Variants in ENTPD1 observed in about 807,000 individuals in gnomAD.
The protein encoded by ENTPD1 is ATP diphosphohydrolase.
ENTPD1 carries 33 observed loss-of-function variants against 57.0 expected under a neutral mutation model. The ratio of observed to expected loss-of-function variants is 0.58; its 90% CI spans 0.44 to 0.77. ENTPD1 has a LOEUF of 0.77. Ranked by LOEUF, ENTPD1 falls within the 30% of genes least tolerant of loss-of-function variation. The probability of loss-of-function intolerance (pLI) is 0.00; values close to 1 mark genes in which losing one functional copy is unlikely to be tolerated. For synonymous variants in ENTPD1, 202 were observed against 218.8 expected (o/e 0.92, Z 0.68); for missense variants, 501 against 603.4 (o/e 0.83, Z 1.78).
the ENTPD1 span, among the ~76,000 whole-genome samples, chr10:95,695,685 A>T: frequency 6.6e-6 from 1 of 152,202 alleles, no homozygotes; most frequent in East Asian, 1.9e-4. Context: ...GGCCAAGTTC[A>T]TATTATTCAG....
At chr10:95,762,320 A>G (rs372196680) in intron 1 of ENTPD1, among the ~76,000 whole-genome samples, 4 of 152,068 alleles carry the variant, frequency 2.6e-5, no homozygotes, top group African/African-American at 9.7e-5. Flanking sequence ...ATTAAAGAAA[A>G]CATGATACTA....
At chr10:95,768,505 T>TC (rs2098100612) in intron 1 of ENTPD1, among the ~76,000 whole-genome samples, 3 of 114,784 alleles carry the variant, frequency 2.6e-5, no homozygotes, top group South Asian at 2.9e-4. Flanking sequence ...TTTTTCTTTC[T>TC]TTCTCTCTCT....
chr10:95,849,536 C>T (rs1487540737), intron 7 of ENTPD1, among the ~76,000 whole-genome samples: 3 of 152,164 alleles, frequency 2.0e-5, no homozygotes, highest in African/African-American at 4.8e-5. Context: ...TAGGCACTGT[C>T]GTAATCAGAT....
At chr10:95,695,527 A>G in the ENTPD1 span, among the ~76,000 whole-genome samples, 1 of 152,166 alleles carries the variant, frequency 6.6e-6, no homozygotes, top group African/African-American at 2.4e-5. Context: ...TTTATTTTCT[A>G]ATGTTTTGAA....
rs1183820550 is a variant in ENTPD1 at position 95,757,771 on chromosome 10, G to A, written c.16+1516G>A. ...TGTAATCCCAGCACTTTGGGAGGCC[G>A]AGGTGGGCGGATCACCTGAGGTCAG... On this transcript the variant is annotated intron_variant, in intron 1 of 9. Transcript: ENST00000371205. Among the ~76,000 whole-genome samples, 9 of 151,958 alleles carry A rather than the reference G, an allele frequency of 5.9e-5. No individual in the cohort carries two copies. In the South Asian group the frequency reaches 8.3e-4, roughly 14 times the overall value.
At chr10:95,741,627 G>C (rs1190273804) in intron 1 of ENTPD1, among the ~76,000 whole-genome samples, 3 of 152,180 alleles carry the variant, frequency 2.0e-5, no homozygotes, top group Non-Finnish European at 4.4e-5. Context: ...CAAGCAAGTG[G>C]AGTATGCCTG....
At chr10:95,844,905 G>T in intron 5 of ENTPD1, 1 of 524,790 alleles carries the variant, frequency 1.9e-6, no homozygotes, top group Non-Finnish European at 3.4e-6. Context: ...TTAAAAATTA[G>T]AATAGCTAAC....
At chr10:95,807,268 G>A (rs1290840592) in intron 1 of ENTPD1, among the ~76,000 whole-genome samples, 2 of 152,240 alleles carry the variant, frequency 1.3e-5, no homozygotes, top group Admixed American at 1.3e-4. Flanking sequence ...ATCTCAGACT[G>A]CTGCACTTTC....
At chr10:95,704,107 A>C in the ENTPD1 span, among the ~76,000 whole-genome samples, 6 of 152,230 alleles carry the variant, frequency 3.9e-5, no homozygotes, top group African/African-American at 1.4e-4. Context: ...AAACAAAACA[A>C]AACTACATAT....
intron 1 of ENTPD1, among the ~76,000 whole-genome samples, chr10:95,760,868 C>T (rs189863386): frequency 0.02 from 2,262 of 113,550 alleles, 68 homozygotes; most frequent in African/African-American, 0.073. Context: ...CTCGCTTTGT[C>T]GCCCAGGCTG....
At chr10:95,832,003 T>C (rs953871042) in intron 2 of ENTPD1, among the ~76,000 whole-genome samples, 4 of 152,250 alleles carry the variant, frequency 2.6e-5, no homozygotes, top group Non-Finnish European at 4.4e-5. Context: ...TTTGAACTTA[T>C]AGTATAATGA....
chr10:95,847,523 C>G lies in ENTPD1; in HGVS notation c.891C>G (p.Tyr297Ter). The G allele has an allele frequency of 1.2e-5, 20 of 1,614,160 alleles. No individual in the cohort carries two copies. The highest frequency in any genetic ancestry group is 1.7e-5 in the Non-Finnish European group (20 of 1,180,030). ...YKKVVNVSDL[Y>*]KTPCTKRFEM... Reference sequence around the variant, plus strand: ...AGGTAGTGAACGTAAGTGACCTTTACAAGACCCCCTGCACCAAGAGATTTG... The same window carrying G: ...AGGTAGTGAACGTAAGTGACCTTTAGAAGACCCCCTGCACCAAGAGATTTG... Residue 297 changes from tyrosine (Y) to a stop codon, truncating the protein, a stop_gained, in exon 7 of 10, where the codon TAC becomes TAG. Coordinates refer to ENST00000371205, the MANE Select transcript of ENTPD1 (RefSeq NM_001776.6). LOFTEE classifies it high-confidence loss of function.
intron 2 of ENTPD1, among the ~76,000 whole-genome samples, chr10:95,826,571 C>CA (rs35615283): frequency 0.029 from 3,136 of 107,770 alleles, 49 homozygotes; most frequent in Middle Eastern, 0.046. Flanking sequence ...GACGCCAACT[C>CA]AAAAAAAAAA....
Position 95,864,843 on chromosome 10 carries a change from C to T in ENTPD1, c.1308C>T (p.His436=). 2 of 1,613,546 alleles carry T rather than the reference C, an allele frequency of 1.2e-6. No homozygotes were observed. Among genetic ancestry groups the T allele is most frequent in the Non-Finnish European group, 8.5e-7 (1 of 1,179,996 alleles). The change falls in exon 9 of 10, where the codon CAC becomes CAT. Residue 436 remains histidine (H), a synonymous_variant. Transcript: ENST00000371205. ...ATTTCACAGCTGATTCCTGGGAGCA[C>T]ATCCATTTCATTGGCAAGGTAATTT... The part of the protein sequence containing the change: ...GYHFTADSWE[H]IHFIGKIQGS...
chr10:95,738,971 A>G (rs180786686), intron 1 of ENTPD1, among the ~76,000 whole-genome samples: 1 of 150,470 alleles, frequency 6.6e-6, no homozygotes, highest in Admixed American at 6.6e-5. Context: ...AAGTTACACA[A>G]ATTTTTTGGT....
At chr10:95,857,023 C>T (rs555940492) in intron 7 of ENTPD1, among the ~76,000 whole-genome samples, 1 of 150,628 alleles carries the variant, frequency 6.6e-6, no homozygotes, top group South Asian at 2.1e-4. Flanking sequence ...TTTTAATAAG[C>T]CAGCATTTTA....
intron 1 of ENTPD1, 200 bp downstream of exon 1, chr10:95,756,455 A>G: frequency 1.6e-6 from 1 of 634,080 alleles, no homozygotes; most frequent in Non-Finnish European, 2.8e-6. Flanking sequence ...GGTTGCAGTC[A>G]AGGGTGGCTC....
intron 1 of ENTPD1, among the ~76,000 whole-genome samples, chr10:95,712,878 C>G (rs2097967196): frequency 6.6e-6 from 1 of 152,020 alleles, no homozygotes; most frequent in Non-Finnish European, 1.5e-5. Flanking sequence ...ACTAAAAATA[C>G]AAAAAATTAG....
intron 1 of ENTPD1, among the ~76,000 whole-genome samples, chr10:95,778,760 A>G (rs1490812111): frequency 6.6e-6 from 1 of 152,034 alleles, no homozygotes; most frequent in Non-Finnish European, 1.5e-5. Flanking sequence ...GATGATAGTA[A>G]TTAATGTTTT....
Sources: gnomAD v4.1 joint callset for allele counts (sites outside exome capture counted in the v4.1 genomes callset) on GRCh38, gnomAD v4.1.1 for gene constraint, MANE v1.5 for transcripts, NCBI Gene and HGNC (gene_info 2026-07-23, HGNC 2026-07-21) for gene names.